The following CHD6 variants were observed in gnomAD, a reference collection of about 807,000 sequenced individuals.
CHD6 encodes the protein chromodomain helicase DNA binding protein 6.
CHD6 carries 50 observed loss-of-function variants against 276.9 expected under a neutral mutation model. The observed-to-expected ratio is 0.18, with a 90% CI of 0.14 to 0.23. The LOEUF is 0.23. Among genes scored for constraint, CHD6 ranks in the 10% least tolerant of loss-of-function variants. The pLI is 1.00. For synonymous variants in CHD6, 1,173 were observed against 1,229.3 expected (o/e 0.95, Z 0.96); for missense variants, 2,564 against 3,365.8 (o/e 0.76, Z 5.89).
In CHD6 at chr20:41,533,165, G is replaced by GCTTCGGCTCCTTGTGCTCCTTGGCCTT. The variant is rs781385427; in HGVS notation, c.412_438dup (p.Lys138_Lys146dup). ...CGTGCCTTCTTTGCCCCATCTTTTT[G>GCTTCGGCTCCTTGTGCTCCTTGGCCTT]CTTCGGCTCCTTGTGCTCCTTGGCC... On this transcript the variant is annotated inframe_insertion, in exon 3 of 37. Coordinates refer to ENST00000373233, the MANE Select transcript of CHD6 (RefSeq NM_032221.5). The GCTTCGGCTCCTTGTGCTCCTTGGCCTT allele has an allele frequency of 1.9e-6, 3 of 1,613,962 alleles. No homozygotes were observed. The African/African-American group carries it at 4.0e-5, about 22-fold the overall frequency.
chr20:41,574,725 T>C (rs2045455109), intron 1 of CHD6, among the ~76,000 whole-genome samples: 1 of 152,192 alleles, frequency 6.6e-6, no homozygotes, highest in Admixed American at 6.5e-5. Context: ...TGTGGCTGTT[T>C]TATCTTGTAA....
At chr20:41,606,492 C>T (rs948715820) in intron 1 of CHD6, among the ~76,000 whole-genome samples, 14 of 151,814 alleles carry the variant, frequency 9.2e-5, no homozygotes, top group African/African-American at 3.2e-4. Flanking sequence ...CCAGCCTGGG[C>T]GACGGAGCGA....
At chr20:41,409,601 G>C (rs1054935072) in intron 36 of CHD6, among the ~76,000 whole-genome samples, 1 of 152,130 alleles carries the variant, frequency 6.6e-6, no homozygotes, top group Non-Finnish European at 1.5e-5. Context: ...GGTGAAAAGA[G>C]ACCTAACGAC....
At chr20:41,588,994 C>G (rs1184395092) in intron 1 of CHD6, among the ~76,000 whole-genome samples, 5 of 152,126 alleles carry the variant, frequency 3.3e-5, no homozygotes, top group African/African-American at 1.2e-4. Flanking sequence ...CCGAATCCAG[C>G]AGCACATCAA....
At chr20:41,592,377 A>C (rs2045672424) in intron 1 of CHD6, among the ~76,000 whole-genome samples, 1 of 152,210 alleles carries the variant, frequency 6.6e-6, no homozygotes, top group Admixed American at 6.5e-5. Context: ...AAGTTAACAC[A>C]TTTAATTTGC....
At chr20:41,581,934 TG>T (rs889537247) in intron 1 of CHD6, among the ~76,000 whole-genome samples, 5 of 152,030 alleles carry the variant, frequency 3.3e-5, no homozygotes, top group Non-Finnish European at 7.4e-5. Flanking sequence ...GGAGAGAAAA[TG>T]TATGTCTTCT....
Position 41,421,171 on chromosome 20 carries a change from C to G in CHD6, c.5464G>C (p.Gly1822Arg), listed in dbSNP as rs759172755. 2 of 1,613,340 alleles carry G rather than the reference C, an allele frequency of 1.2e-6. No homozygotes were observed. The highest frequency in any genetic ancestry group is 1.7e-6 in the Non-Finnish European group (2 of 1,179,720). Reference protein sequence around the residue: ...SPSLNPGNESGFVDMCSLSVC... With the variant: ...SPSLNPGNESRFVDMCSLSVC... ...CTAAGACTGCACATATCTACAAACC[C>G]ACTTTCATTTCCTGGATTCAAGGAA... Residue 1822 changes from glycine (G) to arginine (R), a missense_variant, in exon 31 of 37, where the codon GGG becomes CGG. By Grantham distance (125) the Gly-to-Arg change is moderately radical. Coordinates refer to ENST00000373233, the MANE Select transcript of CHD6 (RefSeq NM_032221.5).
At chr20:41,487,092 T>G (rs1459905565) in intron 14 of CHD6, among the ~76,000 whole-genome samples, 1 of 152,210 alleles carries the variant, frequency 6.6e-6, no homozygotes, top group African/African-American at 2.4e-5. Flanking sequence ...AGTAGAGTAT[T>G]TATTACTATC....
intron 1 of CHD6, among the ~76,000 whole-genome samples, chr20:41,552,168 T>G (rs1272151115): frequency 1.3e-5 from 2 of 152,216 alleles, no homozygotes; most frequent in Admixed American, 1.3e-4. Flanking sequence ...CTGAAGCTCT[T>G]ACCTTCCTCA....
chr20:41,582,067 G>A (rs2045546369), intron 1 of CHD6, among the ~76,000 whole-genome samples: 1 of 152,110 alleles, frequency 6.6e-6, no homozygotes, highest in Non-Finnish European at 1.5e-5. Flanking sequence ...CCCAAAAACT[G>A]TTGGTGGGAG....
intron 16 of CHD6, among the ~76,000 whole-genome samples, chr20:41,482,920 G>C (rs1052605400): frequency 1.3e-5 from 2 of 152,026 alleles, no homozygotes; most frequent in Admixed American, 6.6e-5. Flanking sequence ...GCTCTTTCAG[G>C]AATTTGATAT....
At chr20:41,566,278 T>C (rs762859152) in intron 1 of CHD6, among the ~76,000 whole-genome samples, 14 of 152,202 alleles carry the variant, frequency 9.2e-5, no homozygotes, top group South Asian at 2.1e-4. Context: ...CCCTGACAGA[T>C]TGCATTTTCT....
intron 1 of CHD6, among the ~76,000 whole-genome samples, chr20:41,560,726 C>CTT (rs1191143117): frequency 6.7e-6 from 1 of 149,002 alleles, no homozygotes; most frequent in East Asian, 2.0e-4. Context: ...CTAGTGACCT[C>CTT]TTTTTTTTTT....
intron 5 of CHD6, among the ~76,000 whole-genome samples, chr20:41,509,409 C>T (rs1001065842): frequency 2.0e-5 from 3 of 152,086 alleles, no homozygotes; most frequent in African/African-American, 7.2e-5. Context: ...AAAAACTTGG[C>T]AGGTGTTCGA....
At chr20:41,495,930 G>A (rs903335255) in intron 8 of CHD6, among the ~76,000 whole-genome samples, 1 of 152,182 alleles carries the variant, frequency 6.6e-6, no homozygotes, top group Non-Finnish European at 1.5e-5. Context: ...TGGGCTGGGA[G>A]GGGCAGTTTG....
At position 41,454,635 on chromosome 20, in the gene CHD6, C is replaced by G. The variant is rs775253508; in HGVS notation, c.3111G>C (p.Lys1037Asn). The G allele has an allele frequency of 2.5e-6, 4 of 1,609,912 alleles. No individual in the cohort carries two copies. Among genetic ancestry groups the G allele is most frequent in the Non-Finnish European group, 3.4e-6 (4 of 1,177,638 alleles). ...TATTATTTTGCTGTACCTTTTCATTCTTTGCTTCAGTGTCTAGTTCAGCTA... is the reference window on the plus strand; with the variant it reads ...TATTATTTTGCTGTACCTTTTCATTGTTTGCTTCAGTGTCTAGTTCAGCTA... Reference protein sequence around the residue: ...AKIAELDTEAKNEKESLVIDR... With the variant: ...AKIAELDTEANNEKESLVIDR... Residue 1037 changes from lysine (K) to asparagine (N), a missense_variant, in exon 20 of 37, where the codon AAG becomes AAC. Coordinates refer to ENST00000373233, the MANE Select transcript of CHD6 (RefSeq NM_032221.5).
At chr20:41,474,209 T>C in intron 16 of CHD6, among the ~76,000 whole-genome samples, 1 of 152,078 alleles carries the variant, frequency 6.6e-6, no homozygotes, top group East Asian at 1.9e-4. Flanking sequence ...AGTAGGAAAG[T>C]AAAGCTGAGT....
intron 1 of CHD6, among the ~76,000 whole-genome samples, chr20:41,574,916 C>T (rs986515487): frequency 3.3e-5 from 5 of 152,256 alleles, no homozygotes; most frequent in African/African-American, 9.6e-5. Context: ...AAGGCTACAC[C>T]CTTTGCAAAG....
At chr20:41,494,490 T>C (rs573617346) in intron 8 of CHD6, among the ~76,000 whole-genome samples, 1 of 152,210 alleles carries the variant, frequency 6.6e-6, no homozygotes, top group Non-Finnish European at 1.5e-5. Flanking sequence ...AAGCAACATA[T>C]AGAAATACTT....
Sources: gnomAD v4.1 joint callset for allele counts (sites outside exome capture counted in the v4.1 genomes callset) on GRCh38, gnomAD v4.1.1 for gene constraint, MANE v1.5 for transcripts, NCBI Gene and HGNC (gene_info 2026-07-23, HGNC 2026-07-21) for gene names.